Variants in ZNF420 observed in about 807,000 individuals in gnomAD.
ZNF420 encodes the protein ATM and p53-associated KZNF protein.
Under a neutral mutation model 44.7 loss-of-function variants are expected in ZNF420, and 31 were observed. The observed-to-expected ratio is 0.69, with a 90% CI of 0.52 to 0.94. The LOEUF is 0.94. Ranked by LOEUF, ZNF420 falls within the 40% of genes least tolerant of loss-of-function variation. The pLI, the probability that ZNF420 is intolerant of heterozygous loss-of-function variation, is 0.00. For missense variants in ZNF420, 681 were observed against 827.9 expected (o/e 0.82, Z 2.18); for synonymous variants, 245 against 267.4 (o/e 0.92, Z 0.82).
intron 4 of ZNF420, among the ~76,000 whole-genome samples, chr19:37,095,396 C>T (rs1969383510): frequency 6.6e-6 from 1 of 151,916 alleles, no homozygotes; most frequent in Non-Finnish European, 1.5e-5. Flanking sequence ...GTATTGTTGT[C>T]TGGTATTTTA....
At chr19:37,010,078 C>CGCCT (rs2074557153) in intron 1 of ZNF420, among the ~76,000 whole-genome samples, 1 of 152,164 alleles carries the variant, frequency 6.6e-6, no homozygotes, top group African/African-American at 2.4e-5. Flanking sequence ...TGCGCATGCC[C>CGCCT]GAGGCGCGAG....
intron 1 of ZNF420, among the ~76,000 whole-genome samples, chr19:37,045,947 T>G (rs367721123): frequency 1.2e-3 from 184 of 152,354 alleles, no homozygotes; most frequent in African/African-American, 4.3e-3. Flanking sequence ...TGAAAGGCAC[T>G]TCTTACATGG....
chr19:37,031,279 T>A (rs1967252212), intron 1 of ZNF420, among the ~76,000 whole-genome samples: 1 of 152,200 alleles, frequency 6.6e-6, no homozygotes, highest in Non-Finnish European at 1.5e-5. Flanking sequence ...TATTGTGAAA[T>A]TTGCAAACAA....
At chr19:37,096,014 A>T (rs1348101411) in intron 4 of ZNF420, 1 of 152,148 alleles carries the variant, frequency 6.6e-6, no homozygotes, top group African/African-American at 2.4e-5. Flanking sequence ...CTATACTGAC[A>T]ATTATTTTTT....
intron 4 of ZNF420, among the ~76,000 whole-genome samples, chr19:37,120,711 G>A (rs1446711078): frequency 1.3e-5 from 2 of 152,074 alleles, no homozygotes; most frequent in Non-Finnish European, 2.9e-5. Flanking sequence ...ACATGATTGT[G>A]TATCTAGAAA....
chr19:37,015,198 G>A (rs192230317), intron 1 of ZNF420, among the ~76,000 whole-genome samples: 2,066 of 152,292 alleles, frequency 0.014, 43 homozygotes, highest in Admixed American at 0.054. Flanking sequence ...GCGCTGGAGC[G>A]CGGTTTCTCT....
chr19:37,042,412 GA>G (rs1427002894), intron 1 of ZNF420, among the ~76,000 whole-genome samples: 1 of 152,206 alleles, frequency 6.6e-6, no homozygotes, highest in African/African-American at 2.4e-5. Context: ...GAGAACTTGA[GA>G]ACTACAAACT....
chr19:37,012,576 T>C (rs1391868531), intron 1 of ZNF420, among the ~76,000 whole-genome samples: 1 of 152,210 alleles, frequency 6.6e-6, no homozygotes. Context: ...GCATCCCAGC[T>C]TCAGGCCTGC....
At position 37,028,251 on chromosome 19, in the gene ZNF420, G is replaced by C. The variant is rs558097417; in HGVS notation, c.-125+20169G>C. Among the ~76,000 whole-genome samples the C allele has an allele frequency of 2.0e-4, 30 of 152,272 alleles. No homozygotes were observed. The East Asian group carries it at 5.0e-3, about 25-fold the overall frequency. ...AGGGCAGATACAGATGATGGACTGC[G>C]GGGAAAGAGCTTGCTGTGATGATAG... is the stretch of plus-strand genomic sequence containing the variant. On this transcript the variant is annotated intron_variant, in intron 1 of 4. Coordinates refer to the ZNF420 transcript ENST00000587029.
chr19:37,077,960 C>G (rs1235146321), upstream of ZNF420: 1 of 152,982 alleles, frequency 6.5e-6, no homozygotes, highest in African/African-American at 2.4e-5. Context: ...ACACACCCGG[C>G]CACGGAAAGA....
At chr19:37,034,525 G>A (rs552934283) in intron 1 of ZNF420, among the ~76,000 whole-genome samples, 44 of 151,894 alleles carry the variant, frequency 2.9e-4, no homozygotes, top group East Asian at 2.1e-3. Context: ...TTCTTTTGTT[G>A]CCCACACTTT....
At chr19:37,108,763 T>C (rs1336797610) in intron 4 of ZNF420, among the ~76,000 whole-genome samples, 1 of 140,042 alleles carries the variant, frequency 7.1e-6, no homozygotes, top group Non-Finnish European at 1.7e-5. Flanking sequence ...CTAAACTTTC[T>C]GTTAAGTCAC....
At chr19:37,016,733 C>A (rs1013187811) in intron 1 of ZNF420, among the ~76,000 whole-genome samples, 45 of 152,184 alleles carry the variant, frequency 3.0e-4, no homozygotes, top group African/African-American at 9.6e-4. Flanking sequence ...GCCAGACAGG[C>A]ATGTTTGCTG....
At chr19:37,011,839 C>T (rs891783401) in intron 1 of ZNF420, among the ~76,000 whole-genome samples, 2 of 152,174 alleles carry the variant, frequency 1.3e-5, no homozygotes, top group African/African-American at 4.8e-5. Flanking sequence ...TTGGACTCGC[C>T]CCTGTTCCTG....
intron 1 of ZNF420, among the ~76,000 whole-genome samples, chr19:37,010,129 A>C (rs1358467038): frequency 6.6e-6 from 1 of 152,182 alleles, no homozygotes; most frequent in African/African-American, 2.4e-5. Context: ...TTGCCTGAGA[A>C]ACCAGTCCCT....
chr19:37,081,612 A>T (rs1330165438), intron 2 of ZNF420, among the ~76,000 whole-genome samples: 6 of 139,764 alleles, frequency 4.3e-5, no homozygotes, highest in South Asian at 2.3e-4. Flanking sequence ...AGCAACCTCC[A>T]CCTCCCAGGT....
intron 1 of ZNF420, among the ~76,000 whole-genome samples, chr19:37,026,628 A>G (rs1256805291): frequency 1.3e-5 from 2 of 151,898 alleles, no homozygotes; most frequent in African/African-American, 4.8e-5. Context: ...AGCCCAGCTG[A>G]TTTTTGTATG....
chr19:37,012,760 A>ATGTGTGTGTGTGTGTGTG (rs780627236), intron 1 of ZNF420, among the ~76,000 whole-genome samples: 10 of 101,938 alleles, frequency 9.8e-5, no homozygotes, highest in African/African-American at 1.5e-4. Context: ...CCACTGCTAT[A>ATGTGTGTGTGTGTGTGTG]TGTCTCTGTG....
At chr19:37,029,247 G>A (rs1277606276) in intron 1 of ZNF420, among the ~76,000 whole-genome samples, 4 of 152,110 alleles carry the variant, frequency 2.6e-5, no homozygotes, top group African/African-American at 7.2e-5. Flanking sequence ...AAGAAAGGGC[G>A]ATCAGAAGTC....
Sources: gnomAD v4.1 joint callset for allele counts (sites outside exome capture counted in the v4.1 genomes callset) on GRCh38, gnomAD v4.1.1 for gene constraint, MANE v1.5 for transcripts, NCBI Gene and HGNC (gene_info 2026-07-23, HGNC 2026-07-21) for gene names.